Variants in BLTP1 observed in about 807,000 individuals in gnomAD.
The protein encoded by BLTP1 is bridge-like lipid transfer protein family member 1.
chr4:122,189,947 A>G, the BLTP1 span: 3 of 1,587,980 alleles, frequency 1.9e-6, no homozygotes, highest in South Asian at 2.3e-5. Context: ...GATACTGAAC[A>G]TTTTATATTC....
the BLTP1 span, among the ~76,000 whole-genome samples, chr4:122,218,551 A>G: frequency 3.3e-5 from 5 of 152,326 alleles, no homozygotes; most frequent in South Asian, 8.3e-4. Flanking sequence ...TAATTTTGTC[A>G]ATAACCAAAG....
chr4:122,258,795 G>A, the BLTP1 span: 2 of 1,613,928 alleles, frequency 1.2e-6, no homozygotes, highest in Non-Finnish European at 1.7e-6. Flanking sequence ...AGATAATGAG[G>A]AAACTTTCTA....
chr4:122,252,092 G>T, the BLTP1 span, among the ~76,000 whole-genome samples: 11 of 152,184 alleles, frequency 7.2e-5, no homozygotes, highest in Admixed American at 5.9e-4. Flanking sequence ...CCCAGTCCTG[G>T]CAGGATCAAT....
the BLTP1 span, chr4:122,200,583 CAAAAAAAAAA>C: frequency 3.2e-5 from 29 of 901,532 alleles, no homozygotes; most frequent in Middle Eastern, 1.2e-3. Flanking sequence ...CGTCTCAAAA[CAAAAAAAAAA>C]AAAAAAAAAT....
the BLTP1 span, among the ~76,000 whole-genome samples, chr4:122,334,024 G>A: frequency 2.6e-5 from 4 of 151,950 alleles, no homozygotes; most frequent in South Asian, 2.1e-4. Flanking sequence ...AAAGAAGTTC[G>A]GTTTTTTAAT....
chr4:122,289,620 T>C, the BLTP1 span: 1 of 985,242 alleles, frequency 1.0e-6, no homozygotes, highest in Non-Finnish European at 1.2e-6. Context: ...CAAGAATAGC[T>C]TACAGTTGAG....
the BLTP1 span, chr4:122,162,378 G>A: frequency 4.4e-6 from 1 of 226,622 alleles, no homozygotes; most frequent in Non-Finnish European, 7.3e-6. Flanking sequence ...ACACAGTTCT[G>A]TTCAACTTAT....
chr4:122,191,697 G>T, the BLTP1 span, among the ~76,000 whole-genome samples: 1 of 151,992 alleles, frequency 6.6e-6, no homozygotes. Flanking sequence ...TAGTATCAAA[G>T]AAGAGTATTA....
the BLTP1 span, chr4:122,198,176 G>GA: frequency 1.0e-6 from 1 of 978,406 alleles, no homozygotes; most frequent in African/African-American, 1.8e-5. Flanking sequence ...ATAATCAATT[G>GA]AAAAAGTGAC....
At chr4:122,305,209 C>A in the BLTP1 span, 1 of 983,312 alleles carries the variant, frequency 1.0e-6, no homozygotes, top group Non-Finnish European at 1.2e-6. Flanking sequence ...AAAACTTAAT[C>A]CAGTATCTTC....
chr4:122,348,162 C>T, the BLTP1 span, among the ~76,000 whole-genome samples: 1 of 152,128 alleles, frequency 6.6e-6, no homozygotes, highest in Non-Finnish European at 1.5e-5. Context: ...CATAAGAACA[C>T]AAAAGACAGG....
At chr4:122,244,817 G>C in the BLTP1 span, 1 of 377,648 alleles carries the variant, frequency 2.6e-6, no homozygotes, top group Non-Finnish European at 3.6e-6. Context: ...ACTTCATCTT[G>C]GGGTGAAGGT....
At chr4:122,242,297 A>G in the BLTP1 span, among the ~76,000 whole-genome samples, 6 of 152,214 alleles carry the variant, frequency 3.9e-5, no homozygotes, top group African/African-American at 1.4e-4. Flanking sequence ...TCTGCCATAA[A>G]AAAAGTAGGA....
At chr4:122,228,581 G>A in the BLTP1 span, among the ~76,000 whole-genome samples, 37 of 152,138 alleles carry the variant, frequency 2.4e-4, no homozygotes, top group African/African-American at 8.2e-4. Flanking sequence ...AATCAGGGCT[G>A]CCATCTCCTC....
chr4:122,216,089 A>ATCTG, the BLTP1 span, among the ~76,000 whole-genome samples: 1 of 53,208 alleles, frequency 1.9e-5, no homozygotes, highest in Non-Finnish European at 4.6e-5. Context: ...TTGTCTGTCT[A>ATCTG]TCTATCTATC....
At chr4:122,355,769 A>C in the BLTP1 span, 2 of 1,559,202 alleles carry the variant, frequency 1.3e-6, no homozygotes, top group Admixed American at 1.8e-5. Flanking sequence ...TTTTAATTTG[A>C]CTCTCTCTTT....
chr4:122,249,890 T>G, the BLTP1 span: 1 of 984,850 alleles, frequency 1.0e-6, no homozygotes, highest in South Asian at 4.7e-5. Context: ...CCAAAGTAGG[T>G]AGAGCTTGAA....
chr4:122,349,857 T>C, the BLTP1 span: 1 of 1,613,450 alleles, frequency 6.2e-7, no homozygotes, highest in Non-Finnish European at 8.5e-7. The surrounding 1 kb of genome is among the most constrained non-coding windows in gnomAD (Gnocchi z 4.5). Context: ...TATGCTCTAG[T>C]GAGATTTTCG....
chr4:122,199,408 C>A, the BLTP1 span: 1 of 1,613,624 alleles, frequency 6.2e-7, no homozygotes, highest in Non-Finnish European at 8.5e-7. Context: ...ATGCCACTAC[C>A]AGCATGCAAT....
Sources: allele counts gnomAD v4.1 joint callset (sites outside exome capture counted in the v4.1 genomes callset), GRCh38; gene constraint gnomAD v4.1.1; non-coding constraint Gnocchi (gnomAD v3.1); transcripts MANE v1.5; gene names NCBI Gene and HGNC (gene_info 2026-07-23, HGNC 2026-07-21).